CIMIP4: variants seen among roughly 807,000 people sequenced by gnomAD.
CIMIP4 encodes protein EAN57.
chr22:36,991,411 C>A, the CIMIP4 span: 1 of 1,574,926 alleles, frequency 6.3e-7, no homozygotes, highest in Non-Finnish European at 8.7e-7. Context: ...TCTCTCTGAC[C>A]CTTAGAGCCA....
At chr22:37,002,496 A>G in the CIMIP4 span, among the ~76,000 whole-genome samples, 8 of 151,990 alleles carry the variant, frequency 5.3e-5, no homozygotes, top group African/African-American at 1.9e-4. Flanking sequence ...TGGGTGGGAA[A>G]TTAGGAGACA....
the CIMIP4 span, chr22:36,991,187 T>C: frequency 6.2e-7 from 1 of 1,614,090 alleles, no homozygotes; most frequent in African/African-American, 1.3e-5. Flanking sequence ...AACTAGTACT[T>C]GGAGCTCTTG....
chr22:36,999,042 G>A, the CIMIP4 span, among the ~76,000 whole-genome samples: 10 of 152,082 alleles, frequency 6.6e-5, no homozygotes, highest in Non-Finnish European at 1.0e-4. Flanking sequence ...GCTGAGCTGA[G>A]CTTTGAACCA....
At chr22:37,003,346 A>T in the CIMIP4 span, among the ~76,000 whole-genome samples, 1 of 152,032 alleles carries the variant, frequency 6.6e-6, no homozygotes, top group Non-Finnish European at 1.5e-5. Context: ...GCCCCAACTC[A>T]CTGGACTCTC....
chr22:37,007,650 AG>A, the CIMIP4 span: 15 of 152,376 alleles, frequency 9.8e-5, no homozygotes, highest in African/African-American at 2.9e-4. Context: ...TTCACTCACA[AG>A]CAACTCTGAA....
chr22:36,998,801 T>C, the CIMIP4 span, among the ~76,000 whole-genome samples: 1 of 152,036 alleles, frequency 6.6e-6, no homozygotes, highest in Non-Finnish European at 1.5e-5. Context: ...ACCCTTCCTT[T>C]CTTCCCAGGT....
chr22:36,995,324 A>G, the CIMIP4 span, among the ~76,000 whole-genome samples: 1 of 152,178 alleles, frequency 6.6e-6, no homozygotes, highest in Non-Finnish European at 1.5e-5. Flanking sequence ...GCTTGTCCTT[A>G]CCATGGGCTG....
chr22:37,001,145 C>T, the CIMIP4 span, among the ~76,000 whole-genome samples: 3 of 151,836 alleles, frequency 2.0e-5, no homozygotes, highest in Admixed American at 6.6e-5. Flanking sequence ...AATTTTATCT[C>T]GTGTCAGTTG....
At chr22:36,998,048 C>T in the CIMIP4 span, among the ~76,000 whole-genome samples, 1 of 152,186 alleles carries the variant, frequency 6.6e-6, no homozygotes, top group African/African-American at 2.4e-5. Flanking sequence ...ACAATTGCCT[C>T]TTGTGAGCTG....
At chr22:37,005,845 G>A in the CIMIP4 span, among the ~76,000 whole-genome samples, 1 of 152,184 alleles carries the variant, frequency 6.6e-6, no homozygotes, top group Admixed American at 6.5e-5. Flanking sequence ...AAAGATGCCA[G>A]TACTTAATGG....
At chr22:36,994,153 T>C in the CIMIP4 span, among the ~76,000 whole-genome samples, 12 of 152,092 alleles carry the variant, frequency 7.9e-5, no homozygotes, top group Non-Finnish European at 7.4e-5. Context: ...ACAGGACAAA[T>C]GGACAAAGCT....
chr22:37,001,585 C>G, the CIMIP4 span, among the ~76,000 whole-genome samples: 1 of 152,166 alleles, frequency 6.6e-6, no homozygotes, highest in Non-Finnish European at 1.5e-5. Context: ...ACTGACTTAA[C>G]TCCTCTAAGC....
At chr22:36,996,080 C>G in the CIMIP4 span, among the ~76,000 whole-genome samples, 1 of 152,090 alleles carries the variant, frequency 6.6e-6, no homozygotes, top group Non-Finnish European at 1.5e-5. Context: ...CCGTCCCTAT[C>G]TGTGTGGCCT....
At chr22:36,991,347 G>C in the CIMIP4 span, 2 of 1,575,672 alleles carry the variant, frequency 1.3e-6, no homozygotes, top group South Asian at 2.2e-5. Flanking sequence ...CCAGACCCCA[G>C]GGATGACTCG....
chr22:37,007,419 GA>G, the CIMIP4 span: 1 of 152,226 alleles, frequency 6.6e-6, no homozygotes, highest in African/African-American at 2.4e-5. Flanking sequence ...CAAGCTAGGT[GA>G]AGTTCAAGTT....
chr22:36,999,906 C>A, the CIMIP4 span: 2 of 1,613,986 alleles, frequency 1.2e-6, no homozygotes, highest in Middle Eastern at 1.7e-4. Flanking sequence ...GAGGAGATTT[C>A]CACAGGATTC....
At chr22:36,991,464 C>T in the CIMIP4 span, 61 of 1,611,994 alleles carry the variant, frequency 3.8e-5, no homozygotes, top group African/African-American at 5.7e-4. Context: ...TCCCATCACC[C>T]GCAGCTCCTC....
At chr22:36,999,658 G>T in the CIMIP4 span, among the ~76,000 whole-genome samples, 1 of 150,660 alleles carries the variant, frequency 6.6e-6, no homozygotes, top group South Asian at 2.1e-4. Flanking sequence ...AAGGACAGGG[G>T]ACTGGATGTT....
At chr22:36,997,756 C>T in the CIMIP4 span, among the ~76,000 whole-genome samples, 46 of 152,326 alleles carry the variant, frequency 3.0e-4, no homozygotes, top group South Asian at 1.9e-3. Flanking sequence ...CATCTCACTC[C>T]GAGTAAAGAC....
Sources: gnomAD v4.1 joint callset for allele counts (sites outside exome capture counted in the v4.1 genomes callset) on GRCh38, gnomAD v4.1.1 for gene constraint, MANE v1.5 for transcripts, NCBI Gene and HGNC (gene_info 2026-07-23, HGNC 2026-07-21) for gene names.